The following HAPSTR1 variants were observed in gnomAD, a reference collection of about 807,000 sequenced individuals.
HAPSTR1 encodes HUWE1 associated protein modifying stress responses.
the HAPSTR1 span, chr16:9,110,894 C>T: frequency 2.0e-5 from 3 of 152,338 alleles, no homozygotes; most frequent in Admixed American, 6.5e-5. Flanking sequence ...AAAAATTAGT[C>T]AGGGGTGGTG....
chr16:9,101,916 T>C, the HAPSTR1 span, among the ~76,000 whole-genome samples: 6 of 151,922 alleles, frequency 3.9e-5, no homozygotes, highest in South Asian at 1.3e-3. Context: ...AGGTCAGGAG[T>C]TGAAGACCAG....
chr16:9,101,842 C>T, the HAPSTR1 span, among the ~76,000 whole-genome samples: 8 of 152,048 alleles, frequency 5.3e-5, no homozygotes, highest in Non-Finnish European at 1.0e-4. Context: ...ATTAAAGCCG[C>T]CGGTTGCAGT....
At chr16:9,116,663 C>T in the HAPSTR1 span, 2 of 1,609,166 alleles carry the variant, frequency 1.2e-6, no homozygotes, top group South Asian at 1.1e-5. Context: ...TTTTCTTCTT[C>T]CTAGGTCTTA....
chr16:9,092,376 C>T, the HAPSTR1 span: 92 of 1,043,232 alleles, frequency 8.8e-5, no homozygotes, highest in Middle Eastern at 1.1e-3. Flanking sequence ...ACGGCGGCGG[C>T]CTCGGGGATC....
chr16:9,092,382 G>C, the HAPSTR1 span: 1 of 1,015,360 alleles, frequency 9.8e-7, no homozygotes, highest in Non-Finnish European at 1.3e-6. Flanking sequence ...GCGGCCTCGG[G>C]GATCCCGGCC....
chr16:9,096,505 T>C, the HAPSTR1 span, among the ~76,000 whole-genome samples: 7 of 152,230 alleles, frequency 4.6e-5, no homozygotes, highest in Non-Finnish European at 1.0e-4. Context: ...CCTCTTTATA[T>C]GTCTCACTTC....
chr16:9,092,912 G>GTTT, the HAPSTR1 span: 1 of 1,291,600 alleles, frequency 7.7e-7, no homozygotes, highest in East Asian at 2.7e-5. Context: ...TTTTTGGCTT[G>GTTT]CTTTTCAGAC....
chr16:9,113,667 G>C, the HAPSTR1 span, among the ~76,000 whole-genome samples: 1 of 152,132 alleles, frequency 6.6e-6, no homozygotes, highest in Non-Finnish European at 1.5e-5. Context: ...CCCATATTTT[G>C]CCATAATAAT....
chr16:9,095,478 G>A, the HAPSTR1 span, among the ~76,000 whole-genome samples: 4 of 151,972 alleles, frequency 2.6e-5, no homozygotes, highest in East Asian at 7.7e-4. Flanking sequence ...CTTCTAAGTG[G>A]GCAGCAGGCA....
the HAPSTR1 span, chr16:9,120,794 C>T: frequency 2.0e-5 from 3 of 150,072 alleles, no homozygotes; most frequent in African/African-American, 4.9e-5. Flanking sequence ...TTTCATGCCT[C>T]AGCCTCCCGA....
At chr16:9,102,101 C>T in the HAPSTR1 span, among the ~76,000 whole-genome samples, 2 of 152,198 alleles carry the variant, frequency 1.3e-5, no homozygotes, top group Admixed American at 1.3e-4. Context: ...AACAGAGAGA[C>T]TCCGTCTCAA....
the HAPSTR1 span, chr16:9,107,805 T>G: frequency 6.6e-6 from 1 of 152,218 alleles, no homozygotes; most frequent in South Asian, 2.1e-4. Flanking sequence ...GCTCTGCTGC[T>G]TGATTTGTTT....
chr16:9,112,416 C>CCCTGCA, the HAPSTR1 span: 1 of 152,240 alleles, frequency 6.6e-6, no homozygotes, highest in East Asian at 1.9e-4. Context: ...CTGCAGAGGG[C>CCCTGCA]CCTGCACCTG....
chr16:9,093,346 G>A, the HAPSTR1 span, among the ~76,000 whole-genome samples: 14 of 152,190 alleles, frequency 9.2e-5, no homozygotes, highest in African/African-American at 3.1e-4. Flanking sequence ...TGCCCCTAAA[G>A]TCAGTAGTGC....
At chr16:9,116,635 G>A in the HAPSTR1 span, 14 of 1,600,360 alleles carry the variant, frequency 8.7e-6, no homozygotes, top group Non-Finnish European at 1.2e-5. Flanking sequence ...TTACATAATT[G>A]AGCAACTCTA....
the HAPSTR1 span, chr16:9,116,554 A>T: frequency 7.3e-7 from 1 of 1,361,944 alleles, no homozygotes; most frequent in Non-Finnish European, 1.0e-6. Flanking sequence ...GTAATCCCTT[A>T]TAAAGGAAAT....
chr16:9,109,422 C>G, the HAPSTR1 span: 1 of 152,208 alleles, frequency 6.6e-6, no homozygotes, highest in Non-Finnish European at 1.5e-5. Flanking sequence ...CGTAGCATAT[C>G]ATAGGTGGTC....
At chr16:9,098,658 C>T in the HAPSTR1 span, among the ~76,000 whole-genome samples, 1 of 152,082 alleles carries the variant, frequency 6.6e-6, no homozygotes, top group Non-Finnish European at 1.5e-5. Context: ...CTGCCTCTAC[C>T]CTTCCTCCCA....
the HAPSTR1 span, among the ~76,000 whole-genome samples, chr16:9,092,700 C>T: frequency 6.6e-6 from 1 of 152,130 alleles, no homozygotes; most frequent in African/African-American, 2.4e-5. Context: ...ATCTGTGCCC[C>T]TGAGCTCTGC....
Sources: allele counts gnomAD v4.1 joint callset (sites outside exome capture counted in the v4.1 genomes callset), GRCh38; gene constraint gnomAD v4.1.1; transcripts MANE v1.5; gene names NCBI Gene and HGNC (gene_info 2026-07-23, HGNC 2026-07-21).